Variants in DGKB observed in about 807,000 individuals in gnomAD.
DGKB encodes diacylglycerol kinase beta.
In DGKB, 67 loss-of-function variants were observed where a neutral mutation model predicts 114.3. That is an observed-to-expected ratio of 0.59 (90% CI 0.48 to 0.72). The LOEUF is 0.72. DGKB is among the 30% of genes least tolerant of loss of function. DGKB has a pLI of 0.00. For synonymous variants in DGKB, 398 were observed against 323.1 expected, an observed-to-expected ratio of 1.23 and a Z score of -2.49; for missense variants, 907 against 975.2, an observed-to-expected ratio of 0.93 and a Z score of 0.93.
At chr7:14,621,350 A>G (rs766264379) in intron 15 of DGKB, 28 bp downstream of exon 15, 35 of 1,388,540 alleles carry the variant, frequency 2.5e-5, no homozygotes, top group Non-Finnish European at 3.3e-5. Context: ...TATGAAACCT[A>G]CTAAAATTTT....
At chr7:14,764,753 T>C (rs929637113) in intron 2 of DGKB, among the ~76,000 whole-genome samples, 5 of 150,592 alleles carry the variant, frequency 3.3e-5, no homozygotes, top group Non-Finnish European at 5.9e-5. Flanking sequence ...GAACTTCTTT[T>C]AGGGAAGAAA....
chr7:14,758,893 A>T (rs1036043424), intron 2 of DGKB, among the ~76,000 whole-genome samples: 1 of 117,180 alleles, frequency 8.5e-6, no homozygotes, highest in Non-Finnish European at 1.6e-5. Flanking sequence ...CAATAGATAG[A>T]TAGATAGATA....
At chr7:14,713,744 A>G (rs1477224862) in intron 6 of DGKB, among the ~76,000 whole-genome samples, 1 of 151,944 alleles carries the variant, frequency 6.6e-6, no homozygotes, top group Non-Finnish European at 1.5e-5. Context: ...CAGGGAAGTA[A>G]CTTTTAACAT....
At chr7:14,191,978 G>A (rs1302248123) in intron 23 of DGKB, 3 of 638,482 alleles carry the variant, frequency 4.7e-6, no homozygotes, top group Non-Finnish European at 5.2e-6. Flanking sequence ...TGTCGATATG[G>A]TTCCTGGCAA....
At chr7:14,477,606 A>G (rs939354178) in intron 21 of DGKB, among the ~76,000 whole-genome samples, 3 of 152,146 alleles carry the variant, frequency 2.0e-5, no homozygotes, top group African/African-American at 7.2e-5. Context: ...TACATTTTTG[A>G]AGAAAAAATG....
chr7:14,562,959 C>A (rs1201306980), intron 20 of DGKB, among the ~76,000 whole-genome samples: 1 of 152,096 alleles, frequency 6.6e-6, no homozygotes, highest in Non-Finnish European at 1.5e-5. Context: ...CCACCCAAAT[C>A]TCACCTTAAA....
chr7:14,348,351 T>C (rs150257508), intron 21 of DGKB, among the ~76,000 whole-genome samples: 1 of 152,224 alleles, frequency 6.6e-6, no homozygotes, highest in African/African-American at 2.4e-5. Flanking sequence ...TAGTAGTACA[T>C]GGTATGAATG....
intron 13 of DGKB, among the ~76,000 whole-genome samples, chr7:14,663,667 C>T (rs965199490): frequency 2.8e-5 from 4 of 144,302 alleles, no homozygotes; most frequent in South Asian, 2.3e-4. Flanking sequence ...CCCTCCTTCC[C>T]GCTCCCCTCC....
intron 20 of DGKB, among the ~76,000 whole-genome samples, chr7:14,539,444 A>G (rs1409432404): frequency 6.6e-6 from 1 of 152,196 alleles, no homozygotes; most frequent in East Asian, 1.9e-4. Context: ...AAAATAAAAT[A>G]GCATTCATAA....
chr7:14,904,704 T>C (rs1202504871), upstream of DGKB, among the ~76,000 whole-genome samples: 1 of 152,162 alleles, frequency 6.6e-6, no homozygotes, highest in Non-Finnish European at 1.5e-5. Flanking sequence ...CATCCAGAAT[T>C]TTTTAACGTC....
At chr7:14,925,867 C>T (rs974366262) in intron 1 of DGKB, among the ~76,000 whole-genome samples, 10 of 115,946 alleles carry the variant, frequency 8.6e-5, no homozygotes, top group African/African-American at 2.7e-4. Context: ...TAATTGGGTC[C>T]CCCCCCCACT....
intron 2 of DGKB, among the ~76,000 whole-genome samples, chr7:14,829,929 G>C (rs1369725351): frequency 6.6e-6 from 1 of 152,026 alleles, no homozygotes; most frequent in African/African-American, 2.4e-5. Flanking sequence ...TCATGTCTTT[G>C]AAACCAAGGG....
intron 2 of DGKB, among the ~76,000 whole-genome samples, chr7:14,785,233 A>G (rs1156754983): frequency 6.6e-6 from 1 of 152,206 alleles, no homozygotes; most frequent in Non-Finnish European, 1.5e-5. Flanking sequence ...AAGGTTTATA[A>G]ATAACAAATA....
At chr7:14,859,665 A>G (rs1297318271) in intron 1 of DGKB, among the ~76,000 whole-genome samples, 1 of 152,076 alleles carries the variant, frequency 6.6e-6, no homozygotes, top group Non-Finnish European at 1.5e-5. Context: ...TCTCTATCCA[A>G]CCCTCTGAAA....
chr7:14,721,100 CTTGAT>C (rs1317744431), intron 5 of DGKB, among the ~76,000 whole-genome samples: 1 of 152,056 alleles, frequency 6.6e-6, no homozygotes, highest in Non-Finnish European at 1.5e-5. Context: ...ATTTAATCAG[CTTGAT>C]TTAACTCCTT....
intron 23 of DGKB, among the ~76,000 whole-genome samples, chr7:14,284,346 A>T (rs1215287686): frequency 1.4e-5 from 2 of 142,974 alleles, no homozygotes; most frequent in African/African-American, 5.8e-5. Flanking sequence ...GCAATCATTA[A>T]AAAGTCAGGA....
chr7:14,499,390 A>G (rs2128950357), intron 20 of DGKB, among the ~76,000 whole-genome samples: 1 of 149,304 alleles, frequency 6.7e-6, no homozygotes, highest in Admixed American at 6.6e-5. Context: ...TTGCTCATTC[A>G]GAATAATTCT....
At chr7:14,969,791 C>A (rs1178203283) in intron 1 of DGKB, among the ~76,000 whole-genome samples, 1 of 152,166 alleles carries the variant, frequency 6.6e-6, no homozygotes, top group East Asian at 1.9e-4. Context: ...TAGCCTATTG[C>A]TCCTAGGCTG....
chr7:14,583,880 T>TA (rs1394246148), intron 17 of DGKB, among the ~76,000 whole-genome samples: 2 of 152,236 alleles, frequency 1.3e-5, no homozygotes, highest in African/African-American at 2.4e-5. Context: ...TTTATTGCAA[T>TA]AAAAAAATTG....
Sources: gnomAD v4.1 joint callset for allele counts (sites outside exome capture counted in the v4.1 genomes callset) on GRCh38, gnomAD v4.1.1 for gene constraint, MANE v1.5 for transcripts, NCBI Gene and HGNC (gene_info 2026-07-23, HGNC 2026-07-21) for gene names.